MAPK8: variants seen among roughly 807,000 people sequenced by gnomAD.
MAPK8 encodes JUN N-terminal kinase.
A neutral mutation model predicts 52.9 loss-of-function variants in MAPK8; 13 were observed. The observed-to-expected ratio is 0.25, with a 90% confidence interval of 0.16 to 0.39. The LOEUF (loss-of-function observed/expected upper bound fraction) is 0.39. MAPK8 is among the 10% of genes least tolerant of loss of function. The pLI, the probability that MAPK8 is intolerant of heterozygous loss-of-function variation, is 1.00. For missense variants in MAPK8, 300 were observed against 519.2 expected (o/e 0.58, Z 4.10); for synonymous variants, 191 against 169.8 (o/e 1.12, Z -0.97).
At chr10:48,425,066 T>G in intron 7 of MAPK8, 1 of 642,998 alleles carries the variant, frequency 1.6e-6, no homozygotes, top group Non-Finnish European at 2.8e-6. Context: ...TAGTTTTGTA[T>G]GGTAACGATA....
chr10:48,320,874 T>A (rs1187073217), intron 1 of MAPK8, among the ~76,000 whole-genome samples: 2 of 152,176 alleles, frequency 1.3e-5, no homozygotes, highest in Admixed American at 1.3e-4. Flanking sequence ...CTCCACATCC[T>A]ATTCAAGCTT....
intron 1 of MAPK8, among the ~76,000 whole-genome samples, chr10:48,320,372 G>C (rs1168249430): frequency 6.6e-6 from 1 of 151,432 alleles, no homozygotes; most frequent in Non-Finnish European, 1.5e-5. Context: ...TGAGTAGCTG[G>C]GACCACAGGC....
intron 1 of MAPK8, among the ~76,000 whole-genome samples, chr10:48,335,028 C>A (rs904187145): frequency 6.6e-6 from 1 of 152,154 alleles, no homozygotes; most frequent in South Asian, 2.1e-4. Context: ...AAAACTTTTC[C>A]CTTTCATGGG....
At chr10:48,424,938 CTTTTG>C (rs2043584964) in intron 7 of MAPK8, among the ~76,000 whole-genome samples, 3 of 151,958 alleles carry the variant, frequency 2.0e-5, no homozygotes, top group Non-Finnish European at 2.9e-5. Flanking sequence ...TCTGGCCATC[CTTTTG>C]TTTTGTCCCC....
chr10:48,331,027 T>G (rs1252315531), intron 1 of MAPK8, among the ~76,000 whole-genome samples: 1 of 152,220 alleles, frequency 6.6e-6, no homozygotes, highest in East Asian at 1.9e-4. Context: ...GGCAGTTATT[T>G]GGCAGGGAGC....
At chr10:48,403,357 C>T (rs532599708) in intron 2 of MAPK8, among the ~76,000 whole-genome samples, 1 of 151,070 alleles carries the variant, frequency 6.6e-6, no homozygotes, top group African/African-American at 2.4e-5. Flanking sequence ...ACTTGGGAGG[C>T]GGAGGCAGGA....
chr10:48,404,264 C>G (rs1006689456), intron 2 of MAPK8, among the ~76,000 whole-genome samples: 1 of 151,370 alleles, frequency 6.6e-6, no homozygotes, highest in African/African-American at 2.4e-5. Context: ...TCAAGTGATT[C>G]CCTTGCCTTA....
chr10:48,421,489 T>C (rs1382435151), intron 6 of MAPK8, among the ~76,000 whole-genome samples: 1 of 152,146 alleles, frequency 6.6e-6, no homozygotes, highest in Non-Finnish European at 1.5e-5. Context: ...TGCCAGAAAT[T>C]AGCACTAAGA....
In MAPK8 at chr10:48,338,457, A is replaced by G. The variant is rs1259721556; in HGVS notation, c.-50+31636A>G. Among the ~76,000 whole-genome samples, 6 of 152,168 alleles carry G rather than the reference A, an allele frequency of 3.9e-5. No individual in the cohort carries two copies. In the East Asian group the frequency reaches 7.7e-4, roughly 20 times the overall value. On this transcript the variant is annotated intron_variant, in intron 1 of 11. Coordinates refer to ENST00000374189, the MANE Select transcript of MAPK8 (RefSeq NM_001323329.2). ...AAATAGTAAGAGTCATTTATGACAT[A>G]CCCACAGCCAACATCATCCTGAATG...
chr10:48,324,503 G>GTTTTTTTT lies in MAPK8; in HGVS notation c.-50+17692_-50+17699dup, dbSNP rs370766776. Among the ~76,000 whole-genome samples, 14 of 118,014 alleles carry GTTTTTTTT rather than the reference G, an allele frequency of 1.2e-4. 2 individuals carry two copies. Among genetic ancestry groups the GTTTTTTTT allele is most frequent in the African/African-American group, 4.3e-4 (12 of 28,114 alleles). The allele number at this position is 118,014 out of a possible 152,430, so 77.4% of individuals were successfully genotyped here. ...TATACAACAGTTGTCCTGTTTTCTA[G>GTTTTTTTT]TTTTTTTTTTTTTTTTTACACTCAT... On this transcript the variant is annotated intron_variant, in intron 1 of 11. Transcript: ENST00000374189.
At chr10:48,360,720 A>G (rs887190552) in intron 1 of MAPK8, among the ~76,000 whole-genome samples, 14 of 152,244 alleles carry the variant, frequency 9.2e-5, no homozygotes, top group Non-Finnish European at 1.8e-4. Flanking sequence ...TATGTATGCC[A>G]TGATTTCTTT....
Position 48,379,432 on chromosome 10 carries a change from C to T in MAPK8, c.-49-22180C>T, listed in dbSNP as rs150847333. Among the ~76,000 whole-genome samples, 600 of 152,192 alleles carry T rather than the reference C, an allele frequency of 3.9e-3. 2 individuals are homozygous for T. The highest frequency in any genetic ancestry group is 0.013 in the African/African-American group (559 of 41,530). ...GTCTCCAATGCGTCCTCTTACAAAA[C>T]AAAGAAAATATTGCACTTATACAAA... On this transcript the variant is annotated intron_variant, in intron 1 of 11. Coordinates refer to ENST00000374189, the MANE Select transcript of MAPK8 (RefSeq NM_001323329.2).
intron 1 of MAPK8, among the ~76,000 whole-genome samples, chr10:48,386,238 C>T (rs1218304890): frequency 2.0e-5 from 3 of 152,096 alleles, no homozygotes; most frequent in African/African-American, 7.2e-5. Context: ...TGAGATTTTT[C>T]AGTATGTAAC....
intron 5 of MAPK8, among the ~76,000 whole-genome samples, chr10:48,415,203 C>T (rs1391078881): frequency 6.6e-6 from 1 of 152,078 alleles, no homozygotes; most frequent in Non-Finnish European, 1.5e-5. Context: ...CCTACTCATA[C>T]AGTATGTGAA....
At chr10:48,373,750 A>G (rs192068292) in intron 1 of MAPK8, among the ~76,000 whole-genome samples, 1 of 152,176 alleles carries the variant, frequency 6.6e-6, no homozygotes, top group African/African-American at 2.4e-5. Context: ...CCAGATTCAT[A>G]AAGCAAGTTC....
Position 48,384,508 on chromosome 10 carries a change from A to G in MAPK8, c.-49-17104A>G, listed in dbSNP as rs113245710. The stretch of plus-strand genomic sequence containing the variant: ...GTTCACTTTTGTTAGCTTAAAAATT[A>G]CTGAGTTCAGCTGGGAAAGCCCATT... On this transcript the variant is annotated intron_variant, in intron 1 of 11. Transcript: ENST00000374189. 3.3e-3 allele frequency among the ~76,000 whole-genome samples: 497 copies of G among 152,352 alleles called. 6 individuals carry two copies. The highest frequency in any genetic ancestry group is 0.021 in the Admixed American group (318 of 15,306).
chr10:48,309,016 G>T (rs1196198163), intron 1 of MAPK8, among the ~76,000 whole-genome samples: 1 of 152,180 alleles, frequency 6.6e-6, no homozygotes, highest in East Asian at 1.9e-4. Context: ...TTTTTAAGAT[G>T]ATGGTTGAAA....
chr10:48,306,748 G>A lies in MAPK8; in HGVS notation c.-123G>A, dbSNP rs1588879518. ...GGAGCCGCGAGCAGCGCTGGGTAAC[G>A]GCCGCGGCGACCACCCCGGACGGCC... On this transcript the variant is annotated 5_prime_UTR_variant, in exon 1 of 12. Transcript: ENST00000374189. 6.6e-6 allele frequency: 1 copy of A among 151,444 alleles called. No homozygotes were observed. Among genetic ancestry groups the A allele is most frequent in the East Asian group, 1.9e-4 (1 of 5,162 alleles). 9.4% of individuals were successfully genotyped at this position (151,444 alleles called of 1,614,324 possible). A position where few individuals can be genotyped will look rare whatever the true frequency, so the allele number is the denominator to read the frequency against.
intron 5 of MAPK8, among the ~76,000 whole-genome samples, chr10:48,416,380 A>G (rs1193915753): frequency 4.6e-5 from 7 of 152,194 alleles, no homozygotes; most frequent in Admixed American, 4.6e-4. Flanking sequence ...TTTGTAAGGA[A>G]ACTCGGAAAT....
Sources: allele counts gnomAD v4.1 joint callset (sites outside exome capture counted in the v4.1 genomes callset), GRCh38; gene constraint gnomAD v4.1.1; transcripts MANE v1.5; gene names NCBI Gene and HGNC (gene_info 2026-07-23, HGNC 2026-07-21).